The following SNX24 variants were observed in gnomAD, a reference collection of about 807,000 sequenced individuals.
SNX24 encodes the protein sorting nexin-24.
A neutral mutation model predicts 28.7 loss-of-function variants in SNX24; 22 were observed. That is an observed-to-expected ratio of 0.77 (90% confidence interval 0.55 to 1.10). SNX24 has a LOEUF of 1.10. Ranked by LOEUF, SNX24 falls within the 50% of genes least tolerant of loss-of-function variation. SNX24 has a pLI of 0.00. For missense variants in SNX24, 221 were observed against 201.1 expected (o/e 1.10, Z -0.60); for synonymous variants, 69 against 71.5 (o/e 0.96, Z 0.18).
At chr5:122,861,780 A>G (rs1384645146) in intron 1 of SNX24, among the ~76,000 whole-genome samples, 2 of 151,424 alleles carry the variant, frequency 1.3e-5, no homozygotes, top group Admixed American at 6.6e-5. Flanking sequence ...CATTGATTTT[A>G]TAATTCTCAT....
chr5:122,990,728 C>G (rs1381722991), intron 3 of SNX24, among the ~76,000 whole-genome samples: 1 of 152,176 alleles, frequency 6.6e-6, no homozygotes, highest in Non-Finnish European at 1.5e-5. Context: ...AGTAAAACAG[C>G]ATTTCCATTC....
intron 1 of SNX24, among the ~76,000 whole-genome samples, chr5:122,856,863 C>T (rs759939116): frequency 7.9e-5 from 12 of 152,064 alleles, no homozygotes; most frequent in African/African-American, 2.7e-4. Context: ...GAAAAGTTTC[C>T]GTGACTCCAA....
At chr5:122,944,832 A>T (rs917482812) in intron 2 of SNX24, among the ~76,000 whole-genome samples, 1 of 152,162 alleles carries the variant, frequency 6.6e-6, no homozygotes, top group African/African-American at 2.4e-5. Flanking sequence ...GTTTAATTGT[A>T]TGAATTTTCT....
intron 2 of SNX24, among the ~76,000 whole-genome samples, chr5:122,943,468 T>TC (rs1759548460): frequency 6.6e-6 from 1 of 152,130 alleles, no homozygotes; most frequent in Admixed American, 6.6e-5. Context: ...TGGAAGCTAC[T>TC]CCCCCTCTTC....
chr5:122,949,504 GA>G (rs566646498), intron 3 of SNX24, among the ~76,000 whole-genome samples: 1 of 152,070 alleles, frequency 6.6e-6, no homozygotes, highest in African/African-American at 2.4e-5. Flanking sequence ...ATCTTAAGGG[GA>G]AAAAAGCAAG....
In SNX24 at chr5:122,944,226, A is replaced by T. The variant is rs114120304; in HGVS notation, c.145-1829A>T. Among the ~76,000 whole-genome samples the T allele has an allele frequency of 2.2e-3, 339 of 152,216 alleles. 2 individuals carry two copies. The highest frequency in any genetic ancestry group is 7.8e-3 in the African/African-American group (326 of 41,538). On this transcript the variant is annotated intron_variant, in intron 2 of 6. Transcript: ENST00000261369. ...GCATGTGACTTTCACACTTCTGGTG[A>T]CAACATAGCTCCTATTCTTCCAGGC...
intron 1 of SNX24, among the ~76,000 whole-genome samples, chr5:122,884,721 A>C (rs1288438948): frequency 6.6e-6 from 1 of 152,138 alleles, no homozygotes; most frequent in Non-Finnish European, 1.5e-5. Context: ...ACAGACGAGC[A>C]GATGTGTGGG....
intron 1 of SNX24, among the ~76,000 whole-genome samples, chr5:122,881,498 C>A (rs1008984513): frequency 6.6e-6 from 1 of 152,124 alleles, no homozygotes; most frequent in Admixed American, 6.5e-5. Context: ...GGGATTCATA[C>A]GCACATTTAA....
At chr5:122,987,204 T>G (rs1488534032) in intron 3 of SNX24, among the ~76,000 whole-genome samples, 1 of 151,954 alleles carries the variant, frequency 6.6e-6, no homozygotes, top group Non-Finnish European at 1.5e-5. Flanking sequence ...AGAGGATAAG[T>G]TTTGAAAATG....
At chr5:122,876,275 A>C (rs1756217933) in intron 1 of SNX24, among the ~76,000 whole-genome samples, 1 of 152,224 alleles carries the variant, frequency 6.6e-6, no homozygotes, top group Non-Finnish European at 1.5e-5. Flanking sequence ...GGTTTTTAAA[A>C]GCAGCCTTTG....
At chr5:122,994,527 TAATC>T (rs1761982785) in intron 3 of SNX24, among the ~76,000 whole-genome samples, 1 of 152,240 alleles carries the variant, frequency 6.6e-6, no homozygotes, top group Non-Finnish European at 1.5e-5. Flanking sequence ...CATGTGCAAC[TAATC>T]AATGGTATCC....
At chr5:122,918,628 A>G (rs888340111) in intron 1 of SNX24, among the ~76,000 whole-genome samples, 1 of 152,228 alleles carries the variant, frequency 6.6e-6, no homozygotes, top group African/African-American at 2.4e-5. Context: ...CCTAGCATAG[A>G]TTAGGAATTT....
Position 122,938,939 on chromosome 5 carries a change from CAAAAAAAAAAAAAAAAAAAA to C in SNX24, c.144+2136_144+2155del, listed in dbSNP as rs1033177759. Among the ~76,000 whole-genome samples the C allele has an allele frequency of 1.4e-3, 2 of 1,442 alleles. 1 individual carries two copies. Among genetic ancestry groups the C allele is most frequent in the African/African-American group, 0.013 (2 of 152 alleles). The allele number at this position is 1,442 out of a possible 152,430, so 0.9% of individuals were successfully genotyped here. On this transcript the variant is annotated intron_variant, in intron 2 of 6. Coordinates refer to ENST00000261369, the MANE Select transcript of SNX24 (RefSeq NM_014035.4). Reference sequence around the variant, plus strand: ...TGGGCGACAGAGCGAGACTCCGTCTCAAAAAAAAAAAAAAAAAAAAAAAAAAAAAAAAAGGCAATGAAATA... The same window carrying C: ...TGGGCGACAGAGCGAGACTCCGTCTCAAAAAAAAAAAAAGGCAATGAAATA...
At chr5:122,858,899 C>T (rs528721924) in intron 1 of SNX24, among the ~76,000 whole-genome samples, 1 of 152,204 alleles carries the variant, frequency 6.6e-6, no homozygotes, top group African/African-American at 2.4e-5. Flanking sequence ...AGGTGCCCAC[C>T]ACCACGCCTG....
chr5:122,946,676 G>A (rs896973007), intron 3 of SNX24, among the ~76,000 whole-genome samples: 2 of 152,172 alleles, frequency 1.3e-5, no homozygotes, highest in African/African-American at 4.8e-5. Flanking sequence ...AATGCACTGG[G>A]ACACTCTTTT....
At chr5:122,924,107 A>G (rs1193268228) in intron 1 of SNX24, among the ~76,000 whole-genome samples, 5 of 152,194 alleles carry the variant, frequency 3.3e-5, no homozygotes, top group African/African-American at 9.7e-5. Context: ...GTTATGTTCA[A>G]AGACCCCCAG....
intron 1 of SNX24, among the ~76,000 whole-genome samples, chr5:122,869,447 C>G (rs1032391186): frequency 6.6e-6 from 1 of 152,058 alleles, no homozygotes; most frequent in African/African-American, 2.4e-5. Flanking sequence ...TTATATTGAC[C>G]AAAATTTTTT....
chr5:123,008,789 T>C lies in SNX24; in HGVS notation c.*1040T>C. On this transcript the variant is annotated 3_prime_UTR_variant, in exon 7 of 7. Coordinates refer to ENST00000261369, the MANE Select transcript of SNX24 (RefSeq NM_014035.4). Reference sequence around the variant, plus strand: ...TCACTGACCTCATTTGTTGAGTTAATGTAAGTTAAATGTGTTTATGATATA... The same window carrying C: ...TCACTGACCTCATTTGTTGAGTTAACGTAAGTTAAATGTGTTTATGATATA... 5.0e-6 allele frequency: 4 copies of C among 799,234 alleles called. No homozygotes were observed. The highest frequency in any genetic ancestry group is 6.1e-6 in the Non-Finnish European group (4 of 659,894). 49.5% of individuals were successfully genotyped at this position (799,234 alleles called of 1,614,324 possible).
chr5:122,944,139 G>A (rs372748415), intron 2 of SNX24, among the ~76,000 whole-genome samples: 21 of 152,202 alleles, frequency 1.4e-4, no homozygotes, highest in Admixed American at 1.2e-3. Context: ...GGTGATGCAC[G>A]CATCTCACAA....
Sources: gnomAD v4.1 joint callset for allele counts (sites outside exome capture counted in the v4.1 genomes callset) on GRCh38, gnomAD v4.1.1 for gene constraint, MANE v1.5 for transcripts, NCBI Gene and HGNC (gene_info 2026-07-23, HGNC 2026-07-21) for gene names.